B3GALT1: variants seen among roughly 807,000 people sequenced by gnomAD.
B3GALT1 encodes beta-1,3-galactosyltransferase 1.
Under a neutral mutation model 23.2 loss-of-function variants are expected in B3GALT1, and 10 were observed. That is an observed-to-expected ratio of 0.43 (90% CI 0.27 to 0.73). The LOEUF is 0.73. Ranked by LOEUF, B3GALT1 falls within the 30% of genes least tolerant of loss-of-function variation. The pLI, the probability that B3GALT1 is intolerant of heterozygous loss-of-function variation, is 0.21. For missense variants in B3GALT1, 299 were observed against 405.4 expected (o/e 0.74, Z 2.25); for synonymous variants, 156 against 141.5 (o/e 1.10, Z -0.73).
chr2:167,805,603 A>G lies in B3GALT1; in HGVS notation c.-351-13069A>G, dbSNP rs575504822. On this transcript the variant is annotated intron_variant, in intron 3 of 4. Transcript: ENST00000392690. ...ATAGGGAATCCTTTCCCCATTTCTC[A>G]TTTTTGTCAGGTTTGTCAAAGATCA... 6.1e-3 allele frequency among the ~76,000 whole-genome samples: 925 copies of G among 152,074 alleles called. 1 individual carries two copies. The highest frequency in any genetic ancestry group is 8.2e-3 in the Non-Finnish European group (559 of 67,964).
At chr2:167,798,014 G>A (rs1215900494) in intron 3 of B3GALT1, among the ~76,000 whole-genome samples, 1 of 152,078 alleles carries the variant, frequency 6.6e-6, no homozygotes, top group Non-Finnish European at 1.5e-5. Flanking sequence ...CCTCATTGTG[G>A]TTTTGGTTTG....
intron 3 of B3GALT1, among the ~76,000 whole-genome samples, chr2:167,657,714 G>A (rs1244154561): frequency 2.0e-5 from 3 of 152,034 alleles, no homozygotes; most frequent in African/African-American, 4.8e-5. Flanking sequence ...TAGGTACTGT[G>A]GTGTGTAAGG....
chr2:167,640,380 A>AATG (rs140828219), intron 2 of B3GALT1, among the ~76,000 whole-genome samples: 35,200 of 151,800 alleles, frequency 0.23, 4,147 homozygotes, highest in South Asian at 0.27. Context: ...TGTAAATATT[A>AATG]ATAACAGGTT....
At chr2:167,565,902 G>A (rs1316698029) in intron 2 of B3GALT1, among the ~76,000 whole-genome samples, 4 of 151,966 alleles carry the variant, frequency 2.6e-5, no homozygotes, top group Non-Finnish European at 5.9e-5. Flanking sequence ...CACTGTTGGT[G>A]GGACTGTAAA....
intron 2 of B3GALT1, among the ~76,000 whole-genome samples, chr2:167,635,795 A>T (rs920721349): frequency 6.6e-6 from 1 of 152,132 alleles, no homozygotes; most frequent in African/African-American, 2.4e-5. Flanking sequence ...ATTCAATGCT[A>T]TCCCTATCAA....
chr2:167,372,641 A>G (rs551487186), intron 1 of B3GALT1, among the ~76,000 whole-genome samples: 1 of 152,154 alleles, frequency 6.6e-6, no homozygotes, highest in Non-Finnish European at 1.5e-5. Context: ...GCAAGGTAAC[A>G]GTTGAAAAAT....
chr2:167,816,069 G>A (rs1688986973), intron 3 of B3GALT1, among the ~76,000 whole-genome samples: 2 of 152,144 alleles, frequency 1.3e-5, no homozygotes, highest in South Asian at 4.1e-4. Context: ...TTAGAAATCA[G>A]ACTAAAGAAA....
At chr2:167,402,308 A>G (rs1052366829) in intron 1 of B3GALT1, among the ~76,000 whole-genome samples, 8 of 151,688 alleles carry the variant, frequency 5.3e-5, no homozygotes, top group Non-Finnish European at 8.8e-5. Context: ...TTTCTAATAA[A>G]AAAAGTTTTA....
chr2:167,441,282 G>A (rs1321473921), intron 1 of B3GALT1, among the ~76,000 whole-genome samples: 1 of 152,222 alleles, frequency 6.6e-6, no homozygotes, highest in Non-Finnish European at 1.5e-5. Context: ...TTACTTTAGA[G>A]GGTTGTTCTT....
intron 1 of B3GALT1, among the ~76,000 whole-genome samples, chr2:167,310,644 G>GAGGTA (rs1022470011): frequency 6.6e-6 from 1 of 152,022 alleles, no homozygotes; most frequent in Admixed American, 6.6e-5. Context: ...TGTGGTTGGG[G>GAGGTA]AGGTAGCCAG....
chr2:167,301,183 C>G (rs73012101), intron 1 of B3GALT1, among the ~76,000 whole-genome samples: 2,108 of 152,256 alleles, frequency 0.014, 59 homozygotes, highest in African/African-American at 0.048. Flanking sequence ...TGGTAAGATT[C>G]TTCATTGATG....
chr2:167,862,363 C>T (rs1169201857), intron 4 of B3GALT1, among the ~76,000 whole-genome samples: 13 of 152,204 alleles, frequency 8.5e-5, no homozygotes, highest in Non-Finnish European at 1.5e-5. Context: ...GGTGTCTGAG[C>T]TCAGGAGGAG....
Position 167,774,938 on chromosome 2 carries a change from C to T in B3GALT1, c.-351-43734C>T, listed in dbSNP as rs571956088. Among the ~76,000 whole-genome samples the T allele has an allele frequency of 7.2e-5, 11 of 152,302 alleles. No individual in the cohort carries two copies. In the East Asian group the frequency reaches 2.1e-3, roughly 29 times the overall value. On this transcript the variant is annotated intron_variant, in intron 3 of 4. Transcript: ENST00000392690. ...CAATAGGATATTATCATTTGCCTATCAGAGCAGAAGCACTTATTTTTAAAT... is the reference window on the plus strand; with the variant it reads ...CAATAGGATATTATCATTTGCCTATTAGAGCAGAAGCACTTATTTTTAAAT...
At chr2:167,680,406 T>TGAGAGA (rs60938313) in intron 3 of B3GALT1, among the ~76,000 whole-genome samples, 2 of 149,486 alleles carry the variant, frequency 1.3e-5, no homozygotes, top group Admixed American at 6.7e-5. Context: ...AGAAACAGAT[T>TGAGAGA]GAGAGAGAGA....
chr2:167,385,445 C>G (rs573513424), intron 1 of B3GALT1, among the ~76,000 whole-genome samples: 1 of 152,252 alleles, frequency 6.6e-6, no homozygotes, highest in African/African-American at 2.4e-5. Flanking sequence ...TTTATAACCA[C>G]CACTCCCTGG....
At chr2:167,800,709 T>C (rs945234788) in intron 3 of B3GALT1, among the ~76,000 whole-genome samples, 3 of 152,096 alleles carry the variant, frequency 2.0e-5, no homozygotes, top group Non-Finnish European at 4.4e-5. Flanking sequence ...AAAAGAGAGG[T>C]TTCCACTGAG....
intron 1 of B3GALT1, among the ~76,000 whole-genome samples, chr2:167,426,309 C>G (rs1017213449): frequency 6.9e-6 from 1 of 145,704 alleles, no homozygotes; most frequent in Non-Finnish European, 1.5e-5. Context: ...GAGTCTTGCT[C>G]TGTCGCCCAG....
intron 3 of B3GALT1, among the ~76,000 whole-genome samples, chr2:167,807,880 CT>C (rs888596632): frequency 2.0e-5 from 3 of 152,150 alleles, no homozygotes; most frequent in Non-Finnish European, 4.4e-5. Context: ...TGTTAACTTT[CT>C]GTCTAATGTT....
intron 3 of B3GALT1, chr2:167,815,352 C>T (rs561636724): frequency 8.8e-4 from 134 of 152,330 alleles, no homozygotes; most frequent in African/African-American, 3.1e-3. Flanking sequence ...CCACCTGGTT[C>T]CCTAATGAGT....
Sources: allele counts gnomAD v4.1 joint callset (sites outside exome capture counted in the v4.1 genomes callset), GRCh38; gene constraint gnomAD v4.1.1; transcripts MANE v1.5; gene names NCBI Gene and HGNC (gene_info 2026-07-23, HGNC 2026-07-21).